CDC73: variants seen among roughly 807,000 people sequenced by gnomAD.
CDC73 encodes the protein parafibromin.
In CDC73, 21 loss-of-function variants were observed where a neutral mutation model predicts 83.7. The ratio of observed to expected loss-of-function variants is 0.25; its 90% CI spans 0.18 to 0.36. CDC73 has a LOEUF of 0.36. CDC73 is among the 10% of genes least tolerant of loss of function. CDC73 has a pLI of 1.00. For missense variants in CDC73, 342 were observed against 653.3 expected, an observed-to-expected ratio of 0.52 and a Z score of 5.19; for synonymous variants, 224 against 212.9, an observed-to-expected ratio of 1.05 and a Z score of -0.45.
At chr1:193,152,292 T>G in intron 9 of CDC73, 88 bp from the exon 10 acceptor site, 1 of 812,166 alleles carries the variant, frequency 1.2e-6, no homozygotes, top group Admixed American at 1.9e-5. Context: ...ACCATCACAT[T>G]CAATGTAGAT....
chr1:193,236,847 T>TCGCGC, intron 15 of CDC73: 1 of 160,398 alleles, frequency 6.2e-6, no homozygotes, highest in Non-Finnish European at 1.4e-5. Flanking sequence ...TGAGCCGAGA[T>TCGCGC]CACTTCAGCC....
At chr1:193,182,812 T>G (rs1354318219) in intron 10 of CDC73, among the ~76,000 whole-genome samples, 1 of 152,060 alleles carries the variant, frequency 6.6e-6, no homozygotes, top group Admixed American at 6.6e-5. Flanking sequence ...GGAGTAGAGG[T>G]GGGCAAAGAG....
Position 193,204,431 on chromosome 1 carries a change from A to C in CDC73, c.1030+579A>C, listed in dbSNP as rs919282486. On this transcript the variant is annotated intron_variant, in intron 11 of 16. Coordinates refer to ENST00000367435, the MANE Select transcript of CDC73 (RefSeq NM_024529.5). Reference sequence around the variant, plus strand: ...CAGCCTCCCAAGTAGCTGGGACTACAGGCGCCTGCCACCACGCCCGGCTAA... The same window carrying C: ...CAGCCTCCCAAGTAGCTGGGACTACCGGCGCCTGCCACCACGCCCGGCTAA... Among the ~76,000 whole-genome samples, 215 of 151,482 alleles carry C rather than the reference A, an allele frequency of 1.4e-3. 1 individual carries two copies. The highest frequency in any genetic ancestry group is 2.3e-3 in the Non-Finnish European group (155 of 67,886).
intron 2 of CDC73, among the ~76,000 whole-genome samples, 186 bp downstream of exon 2, chr1:193,125,403 C>G (rs1025832471): frequency 2.0e-5 from 3 of 152,004 alleles, no homozygotes; most frequent in Non-Finnish European, 2.9e-5. Flanking sequence ...GACTGCAGGC[C>G]TGTGCCACCG....
At chr1:193,175,830 T>C (rs926903287) in intron 10 of CDC73, among the ~76,000 whole-genome samples, 2 of 152,192 alleles carry the variant, frequency 1.3e-5, no homozygotes, top group Non-Finnish European at 2.9e-5. Flanking sequence ...GAGGTATAAT[T>C]GTACTCTAAA....
intron 15 of CDC73, among the ~76,000 whole-genome samples, chr1:193,247,365 T>C (rs965895128): frequency 7.2e-5 from 11 of 152,032 alleles, no homozygotes; most frequent in Non-Finnish European, 1.5e-4. Context: ...ACTGCCCCAC[T>C]GACCAATTAG....
intron 1 of CDC73, among the ~76,000 whole-genome samples, chr1:193,123,773 G>GT (rs1675512215): frequency 6.6e-6 from 1 of 152,074 alleles, no homozygotes. Flanking sequence ...CCTCAAAGGA[G>GT]GTTAACTTAG....
At chr1:193,152,231 A>G (rs1676127038) in intron 9 of CDC73, 149 bp from the exon 10 acceptor site, 5 of 605,528 alleles carry the variant, frequency 8.3e-6, no homozygotes, top group Non-Finnish European at 1.5e-5. Flanking sequence ...TATCTTCACA[A>G]GTACGTAATT....
chr1:193,195,573 A>G (rs771178376), intron 10 of CDC73, among the ~76,000 whole-genome samples: 4 of 152,162 alleles, frequency 2.6e-5, no homozygotes, highest in Non-Finnish European at 4.4e-5. Flanking sequence ...GAGTACCATC[A>G]TACACTTTTC....
chr1:193,250,663 A>G lies in CDC73; in HGVS notation c.1560-13A>G. On this transcript the variant is annotated splice_polypyrimidine_tract_variant and intron_variant, in intron 16 of 16. Coordinates refer to ENST00000367435, the MANE Select transcript of CDC73 (RefSeq NM_024529.5). ...CCTATAGTCATTATAACCTACCATA[A>G]TATTTTTTTCAGGTACATGGTAAAG... The G allele has an allele frequency of 6.3e-7, 1 of 1,593,086 alleles. No homozygotes were observed. Among genetic ancestry groups the G allele is most frequent in the Non-Finnish European group, 8.6e-7 (1 of 1,161,988 alleles).
At chr1:193,240,947 T>G (rs1677846411) in intron 15 of CDC73, among the ~76,000 whole-genome samples, 1 of 152,246 alleles carries the variant, frequency 6.6e-6, no homozygotes, top group Non-Finnish European at 1.5e-5. Context: ...CTGTGTTCTC[T>G]TGTATTCCAC....
At chr1:193,170,178 C>A (rs912180223) in intron 10 of CDC73, among the ~76,000 whole-genome samples, 3 of 152,062 alleles carry the variant, frequency 2.0e-5, no homozygotes, top group Non-Finnish European at 4.4e-5. Flanking sequence ...GTAACATTTT[C>A]TTTATCCAGT....
At chr1:193,122,785 C>T (rs192731803) in intron 1 of CDC73, among the ~76,000 whole-genome samples, 2 of 151,980 alleles carry the variant, frequency 1.3e-5, no homozygotes, top group East Asian at 1.9e-4. Context: ...TTTATTTCAT[C>T]TCCTTTCATT....
At chr1:193,245,290 CAGCCAAT>C (rs1173124641) in intron 15 of CDC73, among the ~76,000 whole-genome samples, 1 of 152,130 alleles carries the variant, frequency 6.6e-6, no homozygotes, top group Non-Finnish European at 1.5e-5. Context: ...CTACTCTTCC[CAGCCAAT>C]AGTATTTTCT....
intron 10 of CDC73, among the ~76,000 whole-genome samples, chr1:193,164,817 G>A (rs1220081975): frequency 6.6e-6 from 1 of 152,128 alleles, no homozygotes; most frequent in Non-Finnish European, 1.5e-5. Flanking sequence ...GTCAACTTTA[G>A]GACTGTGTTT....
At chr1:193,182,925 T>C (rs1676741778) in intron 10 of CDC73, among the ~76,000 whole-genome samples, 1 of 152,050 alleles carries the variant, frequency 6.6e-6, no homozygotes, top group East Asian at 1.9e-4. Flanking sequence ...ATTACTTCTT[T>C]AAGCAAAAGA....
intron 6 of CDC73, 33 bp from the exon 7 acceptor site, chr1:193,141,817 G>A (rs1377930503): frequency 7.4e-7 from 1 of 1,359,182 alleles, no homozygotes; most frequent in African/African-American, 1.4e-5. Context: ...AGGAATGCCT[G>A]CTGTGAAAAT....
At chr1:193,148,789 C>T (rs1049056906) in intron 8 of CDC73, among the ~76,000 whole-genome samples, 4 of 151,346 alleles carry the variant, frequency 2.6e-5, no homozygotes, top group Non-Finnish European at 4.4e-5. Context: ...GGATTACAGG[C>T]GCATGCCACC....
intron 6 of CDC73, 64 bp downstream of exon 6, chr1:193,138,237 A>G: frequency 9.5e-7 from 1 of 1,048,994 alleles, no homozygotes. Flanking sequence ...AAGGAAAAGG[A>G]ATATTAAAAT....
Sources: allele counts gnomAD v4.1 joint callset (sites outside exome capture counted in the v4.1 genomes callset), GRCh38; gene constraint gnomAD v4.1.1; transcripts MANE v1.5; gene names NCBI Gene and HGNC (gene_info 2026-07-23, HGNC 2026-07-21).